The following TENM4 variants were observed in gnomAD, a reference collection of about 807,000 sequenced individuals.
The protein encoded by TENM4 is teneurin-4.
A neutral mutation model predicts 243.3 loss-of-function variants in TENM4; 82 were observed. That is an observed-to-expected ratio of 0.34 (90% CI 0.28 to 0.40). TENM4 has a LOEUF of 0.40. Ranked by LOEUF, TENM4 falls within the 10% of genes least tolerant of loss-of-function variation. The pLI, the probability that TENM4 is intolerant of heterozygous loss-of-function variation, is 1.00. For missense variants in TENM4, 3,138 were observed against 3,673.3 expected (o/e 0.85, Z 3.77); for synonymous variants, 1,412 against 1,456.3 (o/e 0.97, Z 0.69).
chr11:78,726,553 G>C (rs1009616455), intron 22 of TENM4, among the ~76,000 whole-genome samples: 1 of 152,132 alleles, frequency 6.6e-6, no homozygotes, highest in Non-Finnish European at 1.5e-5. Context: ...CAAATCTCAC[G>C]TTTAATTGTA....
rs146492644 is a variant in TENM4, at chr11:79,100,522, G to A, written c.-65-30513C>T. On this transcript the variant is annotated intron_variant, in intron 4 of 33. Transcript: ENST00000278550. ...GAGGATCATAGCTAGTTGTGGGGCAGGACTGAGGCCTGCCCTCGATGGTAA... is the reference window on the plus strand; with the variant it reads ...GAGGATCATAGCTAGTTGTGGGGCAAGACTGAGGCCTGCCCTCGATGGTAA... Among the ~76,000 whole-genome samples the A allele has an allele frequency of 7.9e-5, 12 of 152,312 alleles. No homozygotes were observed. In the East Asian group the frequency reaches 2.3e-3, roughly 29 times the overall value.
In TENM4 at chr11:78,771,125, C is replaced by T. The variant is rs1856638455; in HGVS notation, c.2406G>A (p.Gly802=). 6.4e-7 allele frequency: 1 copy of T among 1,568,344 alleles called. No individual in the cohort carries two copies. The highest frequency in any genetic ancestry group is 8.6e-7 in the Non-Finnish European group (1 of 1,156,462). Residue 802 remains glycine (G), a synonymous_variant, in exon 18 of 34, where the codon GGG becomes GGA. Coordinates refer to ENST00000278550, the MANE Select transcript of TENM4 (RefSeq NM_001098816.3). ...TACATCTGCCGTTGCCATTGCACAA[C>T]CCAGGGCAACCCTCTGAAAGACAAA... ...LDRVVKEGCP[G]LCNGNGRCTL... is the part of the protein sequence containing the mutation.
intron 6 of TENM4, among the ~76,000 whole-genome samples, chr11:78,949,914 C>T (rs1239335735): frequency 6.6e-6 from 1 of 152,134 alleles, no homozygotes; most frequent in Non-Finnish European, 1.5e-5. Flanking sequence ...GTCTCGGTTT[C>T]CTCCTCTGAA....
chr11:78,912,347 T>C (rs1856207447), intron 6 of TENM4, among the ~76,000 whole-genome samples: 1 of 152,124 alleles, frequency 6.6e-6, no homozygotes, highest in African/African-American at 2.4e-5. Flanking sequence ...CTCCGTCTCA[T>C]GGGTTCAAGC....
chr11:78,786,136 C>G (rs546735620), intron 16 of TENM4, among the ~76,000 whole-genome samples: 3 of 152,156 alleles, frequency 2.0e-5, no homozygotes, highest in African/African-American at 7.2e-5. Context: ...TCAACAAAAC[C>G]GGCAGGAAAG....
chr11:79,391,174 T>C (rs1858225114), intron 1 of TENM4, among the ~76,000 whole-genome samples: 3 of 152,212 alleles, frequency 2.0e-5, no homozygotes, highest in Admixed American at 2.0e-4. Context: ...AGTTAAAATA[T>C]GTAGGGCATT....
chr11:78,841,691 G>A (rs1318297110), intron 12 of TENM4, among the ~76,000 whole-genome samples: 2 of 151,934 alleles, frequency 1.3e-5, no homozygotes, highest in Admixed American at 6.6e-5. Flanking sequence ...CTGACAGCAC[G>A]TCCAGGGCTT....
At chr11:78,738,213 C>T (rs1855843682) in intron 20 of TENM4, among the ~76,000 whole-genome samples, 1 of 152,132 alleles carries the variant, frequency 6.6e-6, no homozygotes, top group Non-Finnish European at 1.5e-5. Flanking sequence ...TATAAGGTAC[C>T]CTCTCCTTAC....
Position 78,779,845 on chromosome 11 carries a change from T to G in TENM4, c.2366-1217A>C, listed in dbSNP as rs146627812. ...TAGGGTTCTTTAAATATTCTTACTCTCTTCATAAAAAACCATAAATTATAT... is the reference window on the plus strand; with the variant it reads ...TAGGGTTCTTTAAATATTCTTACTCGCTTCATAAAAAACCATAAATTATAT... On this transcript the variant is annotated intron_variant, in intron 16 of 33. Transcript: ENST00000278550. Among the ~76,000 whole-genome samples the G allele has an allele frequency of 9.6e-3, 1,468 of 152,330 alleles. 32 individuals carry two copies. The highest frequency in any genetic ancestry group is 0.032 in the African/African-American group (1,350 of 41,572).
rs776339365 is a variant in TENM4 at position 78,805,356 on chromosome 11, G to C, written c.2115C>G (p.Thr705=). ...TGCAAAGCCCGGTGTCCGGGAGGAA[G>C]GTTCCGTGGCCTGAACACTGGTCTA... is the stretch of plus-strand genomic sequence containing the variant. The part of the protein sequence containing the change: ...TCLDQCSGHG[T]FLPDTGLCSC... Residue 705 remains threonine (T), a synonymous_variant, in exon 15 of 34, where the codon ACC becomes ACG. Transcript: ENST00000278550. The C allele has an allele frequency of 2.3e-6, 3 of 1,328,114 alleles. No homozygotes were observed. Among genetic ancestry groups the C allele is most frequent in the Admixed American group, 2.4e-5 (1 of 42,552 alleles). The allele number at this position is 1,328,114 out of a possible 1,614,324, so 82.3% of individuals were successfully genotyped here.
rs555313162 is a variant in TENM4 at position 78,953,083 on chromosome 11, C to A, written c.494-49560G>T. Among the ~76,000 whole-genome samples the A allele has an allele frequency of 2.0e-5, 3 of 152,264 alleles. No homozygotes were observed. In the South Asian group the frequency reaches 6.3e-4, roughly 32 times the overall value. ...ACCAGTCATTTTCCTTTCCTTTCAA[C>A]TCTGGGGGAAGGCCAGCTGACCAGA... On this transcript the variant is annotated intron_variant, in intron 6 of 33. Coordinates refer to ENST00000278550, the MANE Select transcript of TENM4 (RefSeq NM_001098816.3).
rs140736587 is a variant in TENM4 at position 78,688,060 on chromosome 11, G to T, written c.5254C>A (p.Leu1752Met). ...TGGCCCCCACCTGACTTACCTTGCA[G>T]CAGTGTGTAGAAGGCGCCTGAGGCA... ...LSASGAFYTL[L>M]QDQVRNSYYI... The change falls in exon 29 of 34, where the codon CTG becomes ATG. Residue 1752 changes from leucine (L) to methionine (M), a missense_variant. Coordinates refer to ENST00000278550, the MANE Select transcript of TENM4 (RefSeq NM_001098816.3). The T allele has an allele frequency of 7.4e-6, 12 of 1,613,678 alleles. No homozygotes were observed. The highest frequency in any genetic ancestry group is 2.7e-5 in the African/African-American group (2 of 75,016).
chr11:78,654,812 G>A lies in TENM4; in HGVS notation c.*3246C>T, dbSNP rs529798167. 1 of 151,754 alleles carries A rather than the reference G, an allele frequency of 6.6e-6. No individual in the cohort carries two copies. The highest frequency in any genetic ancestry group is 1.9e-4 in the East Asian group (1 of 5,144). The allele number at this position is 151,754 out of a possible 1,614,324, so 9.4% of individuals were successfully genotyped here. ...CAATGTCTGTTTGGGGTGTGGGGGG[G>A]TGGGATAAAAAGGAAATCTCATCCT... is the stretch of plus-strand genomic sequence containing the variant. On this transcript the variant is annotated 3_prime_UTR_variant, in exon 34 of 34. Coordinates refer to ENST00000278550, the MANE Select transcript of TENM4 (RefSeq NM_001098816.3).
intron 1 of TENM4, among the ~76,000 whole-genome samples, chr11:79,371,649 T>C (rs1857788800): frequency 6.6e-6 from 1 of 152,188 alleles, no homozygotes; most frequent in Non-Finnish European, 1.5e-5. Context: ...CCTCCCCAGG[T>C]GTGCTTTCAG....
At position 79,071,995 on chromosome 11, in the gene TENM4, C is replaced by A. The variant is rs191372039; in HGVS notation, c.-65-1986G>T. ...GGGGCAAGGGGTGTAACTCGAGACA[C>A]ACAGAAATCAAATTATATTACTGAG... On this transcript the variant is annotated intron_variant, in intron 4 of 33. Coordinates refer to ENST00000278550, the MANE Select transcript of TENM4 (RefSeq NM_001098816.3). Among the ~76,000 whole-genome samples the A allele has an allele frequency of 5.0e-3, 766 of 152,220 alleles. 5 individuals carry two copies. The highest frequency in any genetic ancestry group is 9.2e-3 in the Non-Finnish European group (626 of 68,022).
In TENM4 at chr11:79,215,858, G is replaced by A; in HGVS notation, c.-213C>T. On this transcript the variant is annotated 5_prime_UTR_variant, in exon 3 of 34. It introduces an in-frame stop codon into an upstream open reading frame of the 5' UTR. Transcript: ENST00000278550. Reference sequence around the variant, plus strand: ...AGAGTCAGCAATGTCCGTGGGCCCTGCAGCCCTCTCTCCAAGGCCATTGGA... The same window carrying A: ...AGAGTCAGCAATGTCCGTGGGCCCTACAGCCCTCTCTCCAAGGCCATTGGA... 5 of 985,912 alleles carry A rather than the reference G, an allele frequency of 5.1e-6. No individual in the cohort carries two copies. Among genetic ancestry groups the A allele is most frequent in the Non-Finnish European group, 4.8e-6 (4 of 829,978 alleles). 61.1% of individuals were successfully genotyped at this position (985,912 alleles called of 1,614,324 possible). A position where few individuals can be genotyped will look rare whatever the true frequency, so the allele number is the denominator to read the frequency against.
At chr11:78,868,311 A>G (rs1426007133) in intron 9 of TENM4, among the ~76,000 whole-genome samples, 1 of 152,200 alleles carries the variant, frequency 6.6e-6, no homozygotes, top group Non-Finnish European at 1.5e-5. Flanking sequence ...TGACCTAGAT[A>G]AGTAACTTGA....
intron 6 of TENM4, among the ~76,000 whole-genome samples, chr11:78,982,646 C>G (rs370848165): frequency 1.3e-4 from 20 of 152,308 alleles, no homozygotes; most frequent in Admixed American, 3.9e-4. Context: ...GCCAATTTTC[C>G]ACCCAGCTGC....
chr11:78,751,535 G>T (rs1406125810), intron 19 of TENM4, among the ~76,000 whole-genome samples: 1 of 152,136 alleles, frequency 6.6e-6, no homozygotes, highest in Non-Finnish European at 1.5e-5. Context: ...TCTCTGGGTG[G>T]TTGTAATACT....
Sources: gnomAD v4.1 joint callset for allele counts (sites outside exome capture counted in the v4.1 genomes callset) on GRCh38, gnomAD v4.1.1 for gene constraint, MANE v1.5 for transcripts, NCBI Gene and HGNC (gene_info 2026-07-23, HGNC 2026-07-21) for gene names.